Variants in NOX4 observed in about 807,000 individuals in gnomAD.
NOX4 encodes kidney oxidase-1.
NOX4 carries 69 observed loss-of-function variants against 87.6 expected under a neutral mutation model. That is an observed-to-expected ratio of 0.79 (90% CI 0.65 to 0.96). The LOEUF is 0.96. Among genes scored for constraint, NOX4 ranks in the 40% least tolerant of loss-of-function variants. The probability of loss-of-function intolerance (pLI) is 0.00; values close to 1 mark genes in which losing one functional copy is unlikely to be tolerated. For missense variants in NOX4, 680 were observed against 681.5 expected, an observed-to-expected ratio of 1.00 and a Z score of 0.02; for synonymous variants, 275 against 238.2, an observed-to-expected ratio of 1.15 and a Z score of -1.42.
At chr11:89,584,790 T>TATAC in the NOX4 span, among the ~76,000 whole-genome samples, 1 of 152,102 alleles carries the variant, frequency 6.6e-6, no homozygotes, top group African/African-American at 2.4e-5. Context: ...AGATAATGTA[T>TATAC]ATACATATAT....
chr11:89,460,109 T>C (rs1029348906), intron 2 of NOX4, among the ~76,000 whole-genome samples: 2 of 152,340 alleles, frequency 1.3e-5, no homozygotes, highest in East Asian at 1.9e-4. Context: ...GCTAGCCATA[T>C]GTAGAAAGCT....
chr11:89,403,521 C>T (rs1338020043), intron 8 of NOX4, among the ~76,000 whole-genome samples: 2 of 152,018 alleles, frequency 1.3e-5, no homozygotes, highest in Admixed American at 1.3e-4. Context: ...AGTTTAATTG[C>T]CTGAGGTCAG....
intron 8 of NOX4, among the ~76,000 whole-genome samples, chr11:89,414,247 C>T (rs1217153178): frequency 1.3e-5 from 2 of 151,946 alleles, no homozygotes; most frequent in Non-Finnish European, 2.9e-5. Context: ...TCACAAATTG[C>T]ATGCTTACTT....
chr11:89,345,177 G>A (rs1426443977), intron 13 of NOX4, among the ~76,000 whole-genome samples: 1 of 152,042 alleles, frequency 6.6e-6, no homozygotes, highest in Non-Finnish European at 1.5e-5. Context: ...AGAATGCTAG[G>A]CCCTACCCCA....
rs750964393 is a variant in NOX4, at chr11:89,402,551, A to G, written c.630-9T>C. 6.3e-7 allele frequency: 1 copy of G among 1,577,852 alleles called. No individual in the cohort carries two copies. The highest frequency in any genetic ancestry group is 2.2e-5 in the East Asian group (1 of 44,620). ...GATACTTCAGCAGCCCTCTAAAATT[A>G]CATTTAAAACAAACAAACAGAGAAA... On this transcript the variant is annotated splice_polypyrimidine_tract_variant and intron_variant, in intron 8 of 17. Coordinates refer to ENST00000263317, the MANE Select transcript of NOX4 (RefSeq NM_016931.5).
At chr11:89,586,744 A>G in the NOX4 span, among the ~76,000 whole-genome samples, 28 of 152,194 alleles carry the variant, frequency 1.8e-4, no homozygotes, top group African/African-American at 6.5e-4. Context: ...CTTTGCAGAT[A>G]AAACAACACT....
At chr11:89,341,477 T>C (rs12795822) in intron 14 of NOX4, among the ~76,000 whole-genome samples, 7 of 152,158 alleles carry the variant, frequency 4.6e-5, no homozygotes, top group Non-Finnish European at 1.0e-4. Context: ...TGCTAAGTAA[T>C]AAATGAAGGA....
chr11:89,379,781 T>C (rs1438008570), intron 11 of NOX4, among the ~76,000 whole-genome samples: 1 of 152,152 alleles, frequency 6.6e-6, no homozygotes, highest in Non-Finnish European at 1.5e-5. Flanking sequence ...ACTCTAACTT[T>C]AAAATATATT....
chr11:89,551,698 G>C, the NOX4 span, among the ~76,000 whole-genome samples: 1 of 152,194 alleles, frequency 6.6e-6, no homozygotes, highest in Non-Finnish European at 1.5e-5. Context: ...TTGGGGCTGA[G>C]ATGATGGGGT....
intron 11 of NOX4, among the ~76,000 whole-genome samples, chr11:89,388,848 A>C (rs1940910668): frequency 1.3e-5 from 2 of 152,162 alleles, no homozygotes; most frequent in African/African-American, 4.8e-5. Context: ...ACCATAACTA[A>C]ATCCACTTAT....
intron 7 of NOX4, among the ~76,000 whole-genome samples, chr11:89,430,496 T>G (rs1253388392): frequency 6.6e-6 from 1 of 152,190 alleles, no homozygotes; most frequent in Non-Finnish European, 1.5e-5. Context: ...GATAAGCAAC[T>G]TCAGCAAAGT....
At chr11:89,548,764 T>G in the NOX4 span, 1 of 152,330 alleles carries the variant, frequency 6.6e-6, no homozygotes, top group Non-Finnish European at 1.5e-5. Flanking sequence ...AAATCTGGTA[T>G]TTTATAAAAA....
At chr11:89,491,043 T>C in intron 1 of NOX4, 147 bp downstream of exon 1, 1 of 835,864 alleles carries the variant, frequency 1.2e-6, no homozygotes, top group Non-Finnish European at 2.0e-6. Context: ...TTCATTGTTA[T>C]CTCCAGCATA....
Position 89,459,095 on chromosome 11 carries a change from G to A in NOX4, c.154-7200C>T, listed in dbSNP as rs558810420. ...ACAGACTGGAAAAAGAAAATATGGT[G>A]TATACATATACCATGGAATACTGCA... On this transcript the variant is annotated intron_variant, in intron 2 of 17. Transcript: ENST00000263317. 2.6e-3 allele frequency among the ~76,000 whole-genome samples: 391 copies of A among 152,142 alleles called. 1 individual carries two copies. The highest frequency in any genetic ancestry group is 4.7e-3 in the Non-Finnish European group (316 of 67,954).
chr11:89,421,987 A>G lies in NOX4; in HGVS notation c.549-5T>C. 6.9e-7 allele frequency: 1 copy of G among 1,439,662 alleles called. No individual in the cohort carries two copies. Among genetic ancestry groups the G allele is most frequent in the Non-Finnish European group, 9.5e-7 (1 of 1,053,350 alleles). 89.2% of individuals were successfully genotyped at this position (1,439,662 alleles called of 1,614,324 possible). A position where few individuals can be genotyped will look rare whatever the true frequency, so the allele number is the denominator to read the frequency against. Reference sequence around the variant, plus strand: ...AAGATATCATAGTTAGAAACTCTGCAAAAACAAATACACTCATTTTAATGC... The same window carrying G: ...AAGATATCATAGTTAGAAACTCTGCGAAAACAAATACACTCATTTTAATGC... On this transcript the variant is annotated splice_polypyrimidine_tract_variant and splice_region_variant and intron_variant, in intron 7 of 17. Transcript: ENST00000263317.
the NOX4 span, among the ~76,000 whole-genome samples, chr11:89,563,148 T>C: frequency 1.3e-4 from 20 of 152,182 alleles, no homozygotes; most frequent in African/African-American, 4.6e-4. Flanking sequence ...AAGTCTCAGG[T>C]AGTATCTTTG....
intron 2 of NOX4, among the ~76,000 whole-genome samples, chr11:89,481,743 G>T (rs758220389): frequency 6.6e-6 from 1 of 152,054 alleles, no homozygotes; most frequent in Non-Finnish European, 1.5e-5. Context: ...TTTGCACTGA[G>T]TCCATAAAGA....
At chr11:89,493,388 CA>C (rs143056149), upstream of NOX4, among the ~76,000 whole-genome samples, 554 of 138,332 alleles carry the variant, frequency 4.0e-3, 3 homozygotes, top group African/African-American at 0.011. Context: ...GACTCTATCT[CA>C]AAAAAAAAAA....
chr11:89,463,966 G>A (rs1945574228), intron 2 of NOX4, among the ~76,000 whole-genome samples: 1 of 151,900 alleles, frequency 6.6e-6, no homozygotes, highest in African/African-American at 2.4e-5. Flanking sequence ...TTAGCTCAAA[G>A]GATTGTATAT....
Sources: gnomAD v4.1 joint callset for allele counts (sites outside exome capture counted in the v4.1 genomes callset) on GRCh38, gnomAD v4.1.1 for gene constraint, MANE v1.5 for transcripts, NCBI Gene and HGNC (gene_info 2026-07-23, HGNC 2026-07-21) for gene names.